TTC6: variants seen among roughly 807,000 people sequenced by gnomAD.
TTC6 encodes tetratricopeptide repeat protein 6.
TTC6 carries 172 observed loss-of-function variants against 210.4 expected under a neutral mutation model. The observed-to-expected ratio is 0.82, with a 90% confidence interval of 0.72 to 0.93. The LOEUF (loss-of-function observed/expected upper bound fraction) is 0.93, where lower values mean the gene tolerates loss of function less well. TTC6 is among the 40% of genes least tolerant of loss of function. The probability of loss-of-function intolerance (pLI) is 0.00; values close to 1 mark genes in which losing one functional copy is unlikely to be tolerated. For missense variants in TTC6, 2,414 were observed against 2,318.1 expected (o/e 1.04, Z -0.85); for synonymous variants, 804 against 819.6 (o/e 0.98, Z 0.32).
At chr14:37,743,118 T>A (rs1037773782) in intron 10 of TTC6, among the ~76,000 whole-genome samples, 2 of 152,254 alleles carry the variant, frequency 1.3e-5, no homozygotes, top group African/African-American at 4.8e-5. Context: ...TTTCTCAGAC[T>A]GGAGTGATAG....
In TTC6 at chr14:37,787,581, G is replaced by A. The variant is rs1010182770; in HGVS notation, c.3380G>A (p.Gly1127Asp). 3.3e-6 allele frequency: 5 copies of A among 1,522,962 alleles called. No individual in the cohort carries two copies. In the Admixed American group the frequency reaches 9.8e-5, roughly 30 times the overall value. 94.3% of individuals were successfully genotyped at this position (1,522,962 alleles called of 1,614,324 possible). A position where few individuals can be genotyped will look rare whatever the true frequency, so the allele number is the denominator to read the frequency against. Residue 1127 changes from glycine (G) to aspartate (D), a missense_variant, in exon 15 of 31, where the codon GGT (glycine) becomes GAT (aspartate). Coordinates refer to ENST00000553443, the Ensembl canonical transcript of TTC6. The stretch of plus-strand genomic sequence containing the variant: ...AACTGGTTAGCGTTGTATTATCGAG[G>A]TTGCTTATTCAGAAAGAGTAACCCT...
intron 5 of TTC6, among the ~76,000 whole-genome samples, chr14:37,703,695 T>C (rs193162959): frequency 6.6e-4 from 100 of 152,246 alleles, no homozygotes; most frequent in African/African-American, 2.2e-3. Flanking sequence ...TTTAATGGAA[T>C]TGGAAGGGTA....
At chr14:37,614,889 G>T (rs947514708) in intron 2 of TTC6, among the ~76,000 whole-genome samples, 1 of 152,088 alleles carries the variant, frequency 6.6e-6, no homozygotes, top group Non-Finnish European at 1.5e-5. Context: ...TGGGATTACA[G>T]CTGCCCAGCA....
intron 1 of TTC6, among the ~76,000 whole-genome samples, chr14:37,630,907 G>GTTTGTTTTTTTT (rs2095668312): frequency 3.0e-5 from 1 of 33,064 alleles, no homozygotes; most frequent in Admixed American, 4.2e-4. Flanking sequence ...GGCAACCCCT[G>GTTTGTTTTTTTT]TTTTTTTTTT....
At chr14:37,757,759 T>A (rs1225414116) in intron 14 of TTC6, among the ~76,000 whole-genome samples, 1 of 152,200 alleles carries the variant, frequency 6.6e-6, no homozygotes, top group Non-Finnish European at 1.5e-5. Context: ...CTTCTCCAGT[T>A]CTTTTAATTG....
intron 5 of TTC6, among the ~76,000 whole-genome samples, chr14:37,707,820 T>G (rs1333820431): frequency 6.6e-6 from 1 of 152,122 alleles, no homozygotes; most frequent in Non-Finnish European, 1.5e-5. Flanking sequence ...TAATATTGGA[T>G]AGATTTACCA....
chr14:37,765,165 A>T (rs887916745), intron 14 of TTC6, among the ~76,000 whole-genome samples: 2 of 151,942 alleles, frequency 1.3e-5, no homozygotes, highest in Admixed American at 6.6e-5. Flanking sequence ...TATAAATATT[A>T]AAAAAATTTT....
intron 1 of TTC6, among the ~76,000 whole-genome samples, chr14:37,645,566 G>A (rs139743186): frequency 3.6e-4 from 55 of 152,312 alleles, no homozygotes; most frequent in African/African-American, 1.2e-3. Context: ...ATTTAAGTAA[G>A]ATGATCAGAA....
At chr14:37,661,480 A>G (rs2138412013) in intron 1 of TTC6, among the ~76,000 whole-genome samples, 1 of 152,268 alleles carries the variant, frequency 6.6e-6, no homozygotes, top group East Asian at 1.9e-4. Flanking sequence ...AGATGCTTGT[A>G]GCTGTACTAT....
chr14:37,683,771 T>C (rs2095788850), intron 3 of TTC6, among the ~76,000 whole-genome samples: 1 of 152,164 alleles, frequency 6.6e-6, no homozygotes, highest in East Asian at 1.9e-4. Flanking sequence ...TTGGAACATA[T>C]GCCTCACAGA....
At chr14:37,668,340 C>A (rs1479342155) in intron 1 of TTC6, among the ~76,000 whole-genome samples, 1 of 150,530 alleles carries the variant, frequency 6.6e-6, no homozygotes, top group Non-Finnish European at 1.5e-5. Context: ...AACAATATTA[C>A]TATAGCTCTC....
Position 37,753,089 on chromosome 14 carries a change from G to C in TTC6, c.3130-10G>C. 2.0e-6 allele frequency: 3 copies of C among 1,525,482 alleles called. No homozygotes were observed. The highest frequency in any genetic ancestry group is 4.9e-5 in the East Asian group (2 of 40,720). 94.5% of individuals were successfully genotyped at this position (1,525,482 alleles called of 1,614,324 possible). A position where few individuals can be genotyped will look rare whatever the true frequency, so the allele number is the denominator to read the frequency against. On this transcript the variant is annotated splice_polypyrimidine_tract_variant and intron_variant, in intron 13 of 30. Transcript: ENST00000553443. ...TTGTGATGTTTATGTACCTCCCGCT[G>C]TCCCTATAGTGTATTTTTTATGATC...
chr14:37,713,728 C>T (rs1595139852), intron 5 of TTC6, among the ~76,000 whole-genome samples: 2 of 152,260 alleles, frequency 1.3e-5, no homozygotes, highest in South Asian at 4.1e-4. Flanking sequence ...GCCATATCTT[C>T]TTCAGCCTGC....
exon 5 of TTC6, chr14:37,701,426 G>A: frequency 6.5e-7 from 1 of 1,533,454 alleles, no homozygotes; most frequent in Non-Finnish European, 8.7e-7. Context: ...GGCTTCTCGA[G>A]TGTATCACAC....
chr14:37,748,285 A>G (rs1183426884), intron 10 of TTC6, among the ~76,000 whole-genome samples: 1 of 152,186 alleles, frequency 6.6e-6, no homozygotes, highest in East Asian at 1.9e-4. Flanking sequence ...CATATTCAGT[A>G]AATATGAAGT....
At chr14:37,637,159 G>GAA (rs148391130) in intron 1 of TTC6, among the ~76,000 whole-genome samples, 3 of 151,540 alleles carry the variant, frequency 2.0e-5, no homozygotes, top group Non-Finnish European at 4.4e-5. Context: ...AAAACCACAA[G>GAA]AAAAAAAACC....
intron 7 of TTC6, among the ~76,000 whole-genome samples, chr14:37,725,659 T>C (rs964070325): frequency 1.3e-5 from 2 of 151,938 alleles, no homozygotes; most frequent in Non-Finnish European, 2.9e-5. Flanking sequence ...CATAGTTTTA[T>C]ATATTATGTA....
At chr14:37,614,854 C>A (rs557319118) in intron 2 of TTC6, among the ~76,000 whole-genome samples, 1 of 152,256 alleles carries the variant, frequency 6.6e-6, no homozygotes, top group African/African-American at 2.4e-5. Flanking sequence ...TCAAGAAGTT[C>A]TCTTGCTTCA....
chr14:37,682,703 G>T (rs2138560731), intron 2 of TTC6, 55 bp from the exon 5 acceptor site: 1 of 1,446,476 alleles, frequency 6.9e-7, no homozygotes, highest in Non-Finnish European at 9.3e-7. Context: ...TCACTGAAAA[G>T]CCTAGAAGGA....
Sources: gnomAD v4.1 joint callset for allele counts (sites outside exome capture counted in the v4.1 genomes callset) on GRCh38, gnomAD v4.1.1 for gene constraint, MANE v1.5 for transcripts, NCBI Gene and HGNC (gene_info 2026-07-23, HGNC 2026-07-21) for gene names.